Variants in DOCK5 observed in about 807,000 individuals in gnomAD.
The protein encoded by DOCK5 is dedicator of cytokinesis 5, also known as dedicator of cytokinesis protein 5.
In DOCK5, 142 loss-of-function variants were observed where a neutral mutation model predicts 251.8. The observed-to-expected ratio is 0.56, with a 90% confidence interval of 0.49 to 0.65. DOCK5 has a LOEUF of 0.65. Ranked by LOEUF, DOCK5 falls within the 30% of genes least tolerant of loss-of-function variation. The probability of loss-of-function intolerance (pLI) is 0.00; values close to 1 mark genes in which losing one functional copy is unlikely to be tolerated. For synonymous variants in DOCK5, 842 were observed against 835.5 expected, an observed-to-expected ratio of 1.01 and a Z score of -0.13; for missense variants, 2,111 against 2,312.3, an observed-to-expected ratio of 0.91 and a Z score of 1.79.
Position 25,412,477 on chromosome 8 carries a change from G to A in DOCK5, c.*1179G>A, listed in dbSNP as rs2659582. 84,704 of 151,950 alleles carry A rather than the reference G, an allele frequency of 0.56. 24,843 individuals carry two copies. The highest frequency in any genetic ancestry group is 0.66 in the Middle Eastern group (193 of 294). 9.4% of individuals were successfully genotyped at this position (151,950 alleles called of 1,614,324 possible). On this transcript the variant is annotated 3_prime_UTR_variant, in exon 52 of 52. Transcript: ENST00000276440. ...ATTGAGGCTACACACAGAAAATTGT[G>A]CTACAGATTATTACTAATAACCCAG...
chr8:25,414,474 T>C lies in DOCK5; in HGVS notation c.*3176T>C, dbSNP rs760814172. 5.3e-5 allele frequency: 8 copies of C among 152,248 alleles called. No individual in the cohort carries two copies. Among genetic ancestry groups the C allele is most frequent in the South Asian group, 2.1e-4 (1 of 4,830 alleles). 9.4% of individuals were successfully genotyped at this position (152,248 alleles called of 1,614,324 possible). Reference sequence around the variant, plus strand: ...CTGCAGCCACACTGCAATTTCCTAATGTAGAACAAGATATAAAGCAGGCTT... The same window carrying C: ...CTGCAGCCACACTGCAATTTCCTAACGTAGAACAAGATATAAAGCAGGCTT... On this transcript the variant is annotated 3_prime_UTR_variant, in exon 52 of 52. Coordinates refer to ENST00000276440, the MANE Select transcript of DOCK5 (RefSeq NM_024940.8).
At chr8:25,283,065 AT>A (rs1804242770) in intron 5 of DOCK5, among the ~76,000 whole-genome samples, 1 of 152,116 alleles carries the variant, frequency 6.6e-6, no homozygotes, top group African/African-American at 2.4e-5. Context: ...GAAAAGAAAA[AT>A]ATTTGCCTAG....
Position 25,412,112 on chromosome 8 carries a change from C to A in DOCK5, c.*814C>A, listed in dbSNP as rs1416663760. On this transcript the variant is annotated 3_prime_UTR_variant, in exon 52 of 52. Coordinates refer to ENST00000276440, the MANE Select transcript of DOCK5 (RefSeq NM_024940.8). The stretch of plus-strand genomic sequence containing the variant: ...TTTTTTTTTTTTTTTGTCCTATTAC[C>A]TCCTCTGAGCGCAAATCACTGGCTA... 1 of 117,132 alleles carries A rather than the reference C, an allele frequency of 8.5e-6. No homozygotes were observed. Among genetic ancestry groups the A allele is most frequent in the Non-Finnish European group, 1.7e-5 (1 of 57,500 alleles). The allele number at this position is 117,132 out of a possible 1,614,324, so 7.3% of individuals were successfully genotyped here.
intron 2 of DOCK5, among the ~76,000 whole-genome samples, chr8:25,262,633 T>G (rs1020423724): frequency 6.6e-6 from 1 of 152,180 alleles, no homozygotes; most frequent in African/African-American, 2.4e-5. Context: ...TCTTAACTCC[T>G]CTCGAATTCT....
At chr8:25,248,674 G>T (rs538021334) in intron 2 of DOCK5, among the ~76,000 whole-genome samples, 2 of 152,090 alleles carry the variant, frequency 1.3e-5, no homozygotes, top group Non-Finnish European at 2.9e-5. Flanking sequence ...GTTTCCTGCC[G>T]TGTGGTTGGC....
intron 26 of DOCK5, among the ~76,000 whole-genome samples, chr8:25,348,214 T>C (rs1015543113): frequency 1.3e-5 from 2 of 152,224 alleles, no homozygotes; most frequent in African/African-American, 4.8e-5. Context: ...TTTATTTTTT[T>C]AAACATTGCA....
chr8:25,306,124 G>C (rs1178050923), intron 11 of DOCK5, among the ~76,000 whole-genome samples: 2 of 151,994 alleles, frequency 1.3e-5, no homozygotes, highest in East Asian at 3.9e-4. Flanking sequence ...CATCCTGGGT[G>C]ACAGAGCCAT....
intron 16 of DOCK5, 73 bp downstream of exon 16, chr8:25,321,125 A>C: frequency 7.8e-7 from 1 of 1,281,506 alleles, no homozygotes; most frequent in South Asian, 1.3e-5. Flanking sequence ...CATCTTGTGA[A>C]GCTGGAGAAC....
chr8:25,238,670 A>T (rs1586254247), intron 1 of DOCK5, among the ~76,000 whole-genome samples: 1 of 152,186 alleles, frequency 6.6e-6, no homozygotes, highest in Non-Finnish European at 1.5e-5. Flanking sequence ...GATTTTAGTA[A>T]CCCTTTCTTG....
chr8:25,321,710 T>C (rs1805430075), intron 16 of DOCK5, among the ~76,000 whole-genome samples: 1 of 152,190 alleles, frequency 6.6e-6, no homozygotes, highest in Non-Finnish European at 1.5e-5. Flanking sequence ...CTCCGCCGCT[T>C]ACCTCCTGCT....
At chr8:25,284,498 C>G (rs1804281447) in intron 5 of DOCK5, among the ~76,000 whole-genome samples, 1 of 152,204 alleles carries the variant, frequency 6.6e-6, no homozygotes, top group Admixed American at 6.5e-5. Flanking sequence ...AATGTCTAGC[C>G]TCCCTCCAGC....
intron 40 of DOCK5, among the ~76,000 whole-genome samples, chr8:25,385,505 G>A (rs769638125): frequency 6.6e-6 from 1 of 152,112 alleles, no homozygotes; most frequent in African/African-American, 2.4e-5. Context: ...ATCATTGGAG[G>A]GGGTAGTTGA....
At chr8:25,216,163 G>T (rs547857684) in intron 1 of DOCK5, among the ~76,000 whole-genome samples, 176 of 146,254 alleles carry the variant, frequency 1.2e-3, no homozygotes, top group Non-Finnish European at 2.1e-3. Context: ...ATGTATATAT[G>T]TATACAATAT....
intron 2 of DOCK5, among the ~76,000 whole-genome samples, chr8:25,261,539 T>C (rs770482844): frequency 6.6e-6 from 1 of 152,358 alleles, no homozygotes; most frequent in Non-Finnish European, 1.5e-5. Flanking sequence ...TGCAATTCCA[T>C]GTTACTTTGA....
intron 1 of DOCK5, among the ~76,000 whole-genome samples, chr8:25,199,629 C>T (rs552855191): frequency 9.8e-5 from 15 of 152,294 alleles, no homozygotes; most frequent in Non-Finnish European, 1.3e-4. Context: ...GTGATCCTCC[C>T]GCCTTGGCCT....
chr8:25,221,104 G>T, intron 1 of DOCK5, among the ~76,000 whole-genome samples: 1 of 152,004 alleles, frequency 6.6e-6, no homozygotes, highest in Non-Finnish European at 1.5e-5. Context: ...TATTTCTACA[G>T]TTCATTTTTC....
At chr8:25,352,878 TTAAA>T (rs1049306887) in intron 27 of DOCK5, among the ~76,000 whole-genome samples, 88 of 152,054 alleles carry the variant, frequency 5.8e-4, no homozygotes, top group African/African-American at 1.9e-3. Context: ...AGTCACACCT[TTAAA>T]TAAGATGATT....
intron 45 of DOCK5, among the ~76,000 whole-genome samples, chr8:25,398,948 A>C (rs1029576617): frequency 2.0e-5 from 3 of 152,230 alleles, no homozygotes; most frequent in Non-Finnish European, 4.4e-5. Flanking sequence ...TTGCCACGCA[A>C]AATGGGCCAT....
chr8:25,252,777 T>A (rs188260974), intron 2 of DOCK5, among the ~76,000 whole-genome samples: 2 of 152,348 alleles, frequency 1.3e-5, no homozygotes, highest in African/African-American at 4.8e-5. Flanking sequence ...AGCGAATGCC[T>A]TCTATTTTTC....
Sources: allele counts gnomAD v4.1 joint callset (sites outside exome capture counted in the v4.1 genomes callset), GRCh38; gene constraint gnomAD v4.1.1; transcripts MANE v1.5; gene names NCBI Gene and HGNC (gene_info 2026-07-23, HGNC 2026-07-21).